WNT7B: variants seen among roughly 807,000 people sequenced by gnomAD.
The protein encoded by WNT7B is Wnt family member 7B.
WNT7B carries 19 observed loss-of-function variants against 38.2 expected under a neutral mutation model. The ratio of observed to expected loss-of-function variants is 0.50; its 90% CI spans 0.35 to 0.73. The LOEUF (loss-of-function observed/expected upper bound fraction) is 0.73. Ranked by LOEUF, WNT7B falls within the 30% of genes least tolerant of loss-of-function variation. WNT7B has a pLI of 0.01. For missense variants in WNT7B, 423 were observed against 507.9 expected, an observed-to-expected ratio of 0.83 and a Z score of 1.61; for synonymous variants, 243 against 209.3, an observed-to-expected ratio of 1.16 and a Z score of -1.39.
rs75997848 is a variant in WNT7B at position 45,938,301 on chromosome 22, C to T, written c.299-6932G>A. Among the ~76,000 whole-genome samples the T allele has an allele frequency of 4.7e-3, 710 of 152,144 alleles. 3 individuals are homozygous for T. The highest frequency in any genetic ancestry group is 7.2e-3 in the Non-Finnish European group (491 of 68,024). On this transcript the variant is annotated intron_variant, in intron 2 of 3. Transcript: ENST00000339464. ...TAGAGAGTGGAATGACAGACACCAG[C>T]GCCTGGGGAGGGTGTTGGAGGATAA...
At chr22:45,961,453 G>A (rs1375494502) in intron 1 of WNT7B, among the ~76,000 whole-genome samples, 2 of 152,178 alleles carry the variant, frequency 1.3e-5, no homozygotes, top group African/African-American at 2.4e-5. Flanking sequence ...CCCTGGAACC[G>A]TTTCCCACCC....
chr22:45,972,419 G>A (rs1387909124), intron 1 of WNT7B: 5 of 260,556 alleles, frequency 1.9e-5, no homozygotes, highest in Non-Finnish European at 2.9e-5. Context: ...CGCGCATGGC[G>A]CTGGGTCTGG....
intron 3 of WNT7B, 114 bp downstream of exon 3, chr22:45,930,984 A>G: frequency 7.2e-7 from 1 of 1,396,850 alleles, no homozygotes; most frequent in South Asian, 1.5e-5. Flanking sequence ...CACCCCCTGC[A>G]CACCTACGGA....
At chr22:45,945,545 G>T (rs778369933) in intron 2 of WNT7B, among the ~76,000 whole-genome samples, 1 of 152,226 alleles carries the variant, frequency 6.6e-6, no homozygotes, top group Non-Finnish European at 1.5e-5. Flanking sequence ...ATGTCGGTTG[G>T]TCCACACCAT....
chr22:45,927,554 C>T, intron 3 of WNT7B: 1 of 1,414,320 alleles, frequency 7.1e-7, no homozygotes, highest in Non-Finnish European at 9.8e-7. Context: ...AGGAGGTCAC[C>T]CTGGGTTGTC....
At chr22:45,970,796 C>T (rs1446189001) in intron 1 of WNT7B, among the ~76,000 whole-genome samples, 1 of 152,194 alleles carries the variant, frequency 6.6e-6, no homozygotes, top group Non-Finnish European at 1.5e-5. Context: ...ACACCAGAAG[C>T]AGGACCCAGG....
chr22:45,934,162 A>G (rs1055366760), intron 2 of WNT7B, among the ~76,000 whole-genome samples: 2 of 152,254 alleles, frequency 1.3e-5, no homozygotes, highest in Non-Finnish European at 2.9e-5. Context: ...TGGCTGGAGC[A>G]AGATTCAAAC....
chr22:45,927,040 CAA>C (rs1931106854), intron 3 of WNT7B: 1 of 985,324 alleles, frequency 1.0e-6, no homozygotes, highest in South Asian at 4.7e-5. Context: ...CTCATGTCAC[CAA>C]GAGAGGTGCC....
At chr22:45,934,119 G>A (rs763417732) in intron 2 of WNT7B, among the ~76,000 whole-genome samples, 6 of 152,238 alleles carry the variant, frequency 3.9e-5, no homozygotes, top group Non-Finnish European at 8.8e-5. Context: ...CATGATTCCC[G>A]GTTTACAGAG....
chr22:45,954,772 C>G (rs1932021833), intron 1 of WNT7B: 1 of 985,390 alleles, frequency 1.0e-6, no homozygotes, highest in South Asian at 4.7e-5. Flanking sequence ...TGTGTTCCCA[C>G]TAAAAATACC....
rs1310461776 is a variant in WNT7B at position 45,976,271 on chromosome 22, G to C, written c.71+413C>G. On this transcript the variant is annotated intron_variant, in intron 1 of 3. Coordinates refer to ENST00000339464, the MANE Select transcript of WNT7B (RefSeq NM_058238.3). This position sits in a 1 kb window ranked among gnomAD's most constrained non-coding sequence, Gnocchi z 8.5. The stretch of plus-strand genomic sequence containing the variant: ...GCCCTCCCGGGCCTCCGCAGGCGCC[G>C]GACGCCCCCCGACCCCGCCCCGGCG... Among the ~76,000 whole-genome samples the C allele has an allele frequency of 4.1e-5, 6 of 147,254 alleles. No homozygotes were observed. Among genetic ancestry groups the C allele is most frequent in the East Asian group, 2.0e-4 (1 of 5,088 alleles).
chr22:45,927,105 C>T (rs1931109008), intron 3 of WNT7B: 1 of 984,758 alleles, frequency 1.0e-6, no homozygotes, highest in African/African-American at 1.7e-5. Flanking sequence ...CAATCTCTTG[C>T]CTTCACTGGG....
chr22:45,933,727 C>G (rs1398096260), intron 2 of WNT7B, among the ~76,000 whole-genome samples: 1 of 152,132 alleles, frequency 6.6e-6, no homozygotes, highest in Non-Finnish European at 1.5e-5. Flanking sequence ...ACAATCTTAA[C>G]AAGGAGCATG....
intron 1 of WNT7B, among the ~76,000 whole-genome samples, chr22:45,954,956 G>T (rs753413775): frequency 1.9e-4 from 29 of 152,240 alleles, no homozygotes; most frequent in Non-Finnish European, 2.1e-4. Flanking sequence ...CAGGCTTGGA[G>T]CCCAGTCTCT....
rs767546622 is a variant in WNT7B, at chr22:45,931,373, C to A, written c.299-4G>T. ...GTGAAGGCAGCCTCACGGCTCCCTGCGGGGACAGACAGGTGCAGAAGGTGA... is the reference window on the plus strand; with the variant it reads ...GTGAAGGCAGCCTCACGGCTCCCTGAGGGGACAGACAGGTGCAGAAGGTGA... On this transcript the variant is annotated splice_polypyrimidine_tract_variant and splice_region_variant and intron_variant, in intron 2 of 3. Transcript: ENST00000339464. The A allele has an allele frequency of 1.3e-6, 2 of 1,581,254 alleles. No individual in the cohort carries two copies. Among genetic ancestry groups the A allele is most frequent in the South Asian group, 1.1e-5 (1 of 89,302 alleles).
rs1280145739 is a variant in WNT7B at position 45,976,889 on chromosome 22, G to A, written c.-135C>T. 6 of 1,005,650 alleles carry A rather than the reference G, an allele frequency of 6.0e-6. No individual in the cohort carries two copies. Among genetic ancestry groups the A allele is most frequent in the Non-Finnish European group, 5.9e-6 (5 of 841,420 alleles). The allele number at this position is 1,005,650 out of a possible 1,614,324, so 62.3% of individuals were successfully genotyped here. A position where few individuals can be genotyped will look rare whatever the true frequency, so the allele number is the denominator to read the frequency against. On this transcript the variant is annotated 5_prime_UTR_variant, in exon 1 of 4. Coordinates refer to ENST00000339464, the MANE Select transcript of WNT7B (RefSeq NM_058238.3). The surrounding 1 kb of genome is among the most constrained non-coding windows in gnomAD (Gnocchi z 8.5). ...CGCTGCGGCTCGGGCGGCCGGCGAC[G>A]CGCGGGCACTCGGCGCGCGCTGCCA...
chr22:45,974,517 A>G (rs894545391), intron 1 of WNT7B, among the ~76,000 whole-genome samples: 20 of 152,098 alleles, frequency 1.3e-4, no homozygotes, highest in African/African-American at 4.8e-4. Context: ...CCCAGGGTAG[A>G]TCTCTGGCTT....
chr22:45,967,810 C>T (rs770451474), intron 1 of WNT7B, among the ~76,000 whole-genome samples: 7 of 152,136 alleles, frequency 4.6e-5, no homozygotes, highest in Admixed American at 1.3e-4. Flanking sequence ...AATAATGTGC[C>T]GTCGGCGCCT....
rs544671814 is a variant in WNT7B at position 45,924,459 on chromosome 22, C to G, written c.571-1124G>C. Among the ~76,000 whole-genome samples the G allele has an allele frequency of 1.4e-3, 213 of 152,348 alleles. 1 individual carries two copies. The highest frequency in any genetic ancestry group is 1.9e-3 in the Non-Finnish European group (130 of 68,030). On this transcript the variant is annotated intron_variant, in intron 3 of 3. Transcript: ENST00000339464. ...ACATAGTGAAGGTGCTGCGGGAACC[C>G]AGGAGAGCCTAATCCTGCTGCAGTG... is the stretch of plus-strand genomic sequence containing the variant.
Sources: gnomAD v4.1 joint callset for allele counts (sites outside exome capture counted in the v4.1 genomes callset) on GRCh38, gnomAD v4.1.1 for gene constraint, Gnocchi (gnomAD v3.1) non-coding constraint, MANE v1.5 for transcripts, NCBI Gene and HGNC (gene_info 2026-07-23, HGNC 2026-07-21) for gene names.